RBBP8: variants seen among roughly 807,000 people sequenced by gnomAD.
RBBP8 encodes the protein DNA endonuclease RBBP8.
A neutral mutation model predicts 108.3 loss-of-function variants in RBBP8; 88 were observed. The ratio of observed to expected loss-of-function variants is 0.81; its 90% CI spans 0.68 to 0.97. RBBP8 has a LOEUF of 0.97. Among genes scored for constraint, RBBP8 ranks in the 50% least tolerant of loss-of-function variants. RBBP8 has a pLI of 0.00. For synonymous variants in RBBP8, 332 were observed against 348.2 expected, an observed-to-expected ratio of 0.95 and a Z score of 0.52; for missense variants, 1,023 against 1,049.0, an observed-to-expected ratio of 0.98 and a Z score of 0.34.
At chr18:22,943,359 G>C (rs1911264530) in intron 2 of RBBP8, among the ~76,000 whole-genome samples, 1 of 151,808 alleles carries the variant, frequency 6.6e-6, no homozygotes, top group African/African-American at 2.4e-5. Context: ...GGATCGCTTG[G>C]GCCTGGTAAG....
chr18:23,024,902 A>G (rs2046429171), intron 18 of RBBP8, among the ~76,000 whole-genome samples: 1 of 152,240 alleles, frequency 6.6e-6, no homozygotes, highest in African/African-American at 2.4e-5. Flanking sequence ...AATAAATGTC[A>G]AATGATAAAA....
chr18:22,953,198 A>G (rs1376987560), intron 4 of RBBP8, among the ~76,000 whole-genome samples: 1 of 152,240 alleles, frequency 6.6e-6, no homozygotes, highest in Non-Finnish European at 1.5e-5. Flanking sequence ...TCCTGGAGCC[A>G]TAGTTGCCCT....
intron 2 of RBBP8, among the ~76,000 whole-genome samples, chr18:22,916,121 G>A (rs1005337140): frequency 6.6e-6 from 1 of 151,998 alleles, no homozygotes; most frequent in East Asian, 1.9e-4. Context: ...ACATACTTCA[G>A]CGCCTAGTCA....
chr18:22,991,191 TC>T lies in RBBP8; in HGVS notation c.920+145del, dbSNP rs1276974314. ...ATAAATGTTTACTTTAAAAATTGTC[TC>T]CCTAGTTTCTGACCAATTGAGAGCT... On this transcript the variant is annotated intron_variant, in intron 10 of 18. Transcript: ENST00000327155. 4.3e-6 allele frequency: 3 copies of T among 702,986 alleles called. No individual in the cohort carries two copies. In the Admixed American group the frequency reaches 6.6e-5, roughly 16 times the overall value. 43.5% of individuals were successfully genotyped at this position (702,986 alleles called of 1,614,324 possible).
intron 14 of RBBP8, among the ~76,000 whole-genome samples, chr18:23,000,644 A>G (rs1168177886): frequency 6.6e-6 from 1 of 151,902 alleles, no homozygotes; most frequent in Non-Finnish European, 1.5e-5. Flanking sequence ...TGGGAGGCTG[A>G]AGCAGAAGGA....
chr18:22,925,531 C>G (rs952151117), intron 3 of RBBP8, among the ~76,000 whole-genome samples: 1 of 152,182 alleles, frequency 6.6e-6, no homozygotes, highest in African/African-American at 2.4e-5. Flanking sequence ...AAAGATATAT[C>G]TGTAATCTGT....
At chr18:22,984,363 A>G (rs568074635) in intron 7 of RBBP8, among the ~76,000 whole-genome samples, 1 of 152,290 alleles carries the variant, frequency 6.6e-6, no homozygotes, top group East Asian at 1.9e-4. Context: ...TATAGTATAC[A>G]TTAGATTGAT....
intron 18 of RBBP8, among the ~76,000 whole-genome samples, chr18:23,023,425 A>G (rs1266492094): frequency 6.6e-6 from 1 of 152,202 alleles, no homozygotes; most frequent in Non-Finnish European, 1.5e-5. Context: ...CATTTAATAT[A>G]ATTTGAGAAT....
intron 16 of RBBP8, among the ~76,000 whole-genome samples, chr18:23,014,404 T>A (rs954901798): frequency 6.6e-6 from 1 of 152,184 alleles, no homozygotes; most frequent in Non-Finnish European, 1.5e-5. Context: ...CCAGATGACA[T>A]TGAAAACATT....
At chr18:22,975,665 T>G (rs1250354978) in intron 6 of RBBP8, among the ~76,000 whole-genome samples, 1 of 151,938 alleles carries the variant, frequency 6.6e-6, no homozygotes, top group African/African-American at 2.4e-5. Context: ...AACCAGTAAC[T>G]TTTATCTTGT....
chr18:22,954,123 C>T (rs982749826), intron 4 of RBBP8, among the ~76,000 whole-genome samples: 1 of 152,118 alleles, frequency 6.6e-6, no homozygotes, highest in Non-Finnish European at 1.5e-5. Flanking sequence ...TATCATTCCA[C>T]TCCTTGCCCC....
At chr18:23,020,300 T>C (rs960869138) in intron 17 of RBBP8, among the ~76,000 whole-genome samples, 1 of 151,772 alleles carries the variant, frequency 6.6e-6, no homozygotes, top group African/African-American at 2.4e-5. Flanking sequence ...GCATGCCTGT[T>C]ATCCCAGCTA....
intron 5 of RBBP8, among the ~76,000 whole-genome samples, chr18:22,974,007 A>AT (rs1461421990): frequency 3.3e-5 from 5 of 152,228 alleles, no homozygotes; most frequent in African/African-American, 9.6e-5. Context: ...AAGTAGTTTA[A>AT]TAACCTCACA....
intron 15 of RBBP8, among the ~76,000 whole-genome samples, chr18:23,002,004 A>G (rs543852222): frequency 4.6e-5 from 7 of 152,314 alleles, no homozygotes; most frequent in African/African-American, 1.7e-4. Context: ...AGAAACTAAG[A>G]TTAGTTTGGT....
At chr18:22,983,077 A>G (rs1213955905) in intron 7 of RBBP8, among the ~76,000 whole-genome samples, 1 of 152,224 alleles carries the variant, frequency 6.6e-6, no homozygotes, top group Non-Finnish European at 1.5e-5. Flanking sequence ...TTTCAGTGAC[A>G]TGTTTCTAAT....
At chr18:22,925,876 C>T (rs953961334) in intron 3 of RBBP8, among the ~76,000 whole-genome samples, 2 of 152,048 alleles carry the variant, frequency 1.3e-5, no homozygotes, top group African/African-American at 4.8e-5. Context: ...ATTTGTTTTT[C>T]GAGATTCTGA....
At chr18:22,989,717 A>G (rs762418719) in intron 9 of RBBP8, among the ~76,000 whole-genome samples, 1 of 152,026 alleles carries the variant, frequency 6.6e-6, no homozygotes, top group Admixed American at 6.6e-5. Flanking sequence ...GGTGGAGTGC[A>G]GTGGCTATTC....
At position 23,022,144 on chromosome 18, in the gene RBBP8, C is replaced by A; in HGVS notation, c.2470C>A (p.Pro824Thr). The A allele has an allele frequency of 6.2e-7, 1 of 1,602,528 alleles. No individual in the cohort carries two copies. The highest frequency in any genetic ancestry group is 8.6e-7 in the Non-Finnish European group (1 of 1,169,562). ...KECEIYYADM[P>T]AEEREKKLAS... ...TTATTATTAGTATTATGCAGATATGCCAGCAGAAGAAAGAGAAAAGAAATT... is the reference window on the plus strand; with the variant it reads ...TTATTATTAGTATTATGCAGATATGACAGCAGAAGAAAGAGAAAAGAAATT... The change falls in exon 18 of 19, where the codon CCA becomes ACA. Residue 824 changes from proline (P) to threonine (T), a missense_variant. Transcript: ENST00000327155.
At chr18:23,025,642 A>G (rs1184377962) in intron 18 of RBBP8, among the ~76,000 whole-genome samples, 1 of 152,224 alleles carries the variant, frequency 6.6e-6, no homozygotes, top group Non-Finnish European at 1.5e-5. Flanking sequence ...ATCTATTGAA[A>G]TAGCTACTGT....
Sources: gnomAD v4.1 joint callset for allele counts (sites outside exome capture counted in the v4.1 genomes callset) on GRCh38, gnomAD v4.1.1 for gene constraint, MANE v1.5 for transcripts, NCBI Gene and HGNC (gene_info 2026-07-23, HGNC 2026-07-21) for gene names.